Variants in GABRB2 observed in about 807,000 individuals in gnomAD.
GABRB2 encodes gamma-aminobutyric acid type A receptor subunit beta2.
A neutral mutation model predicts 54.7 loss-of-function variants in GABRB2; 16 were observed. The observed-to-expected ratio is 0.29, with a 90% CI of 0.20 to 0.44. The LOEUF (loss-of-function observed/expected upper bound fraction) is 0.44. Ranked by LOEUF, GABRB2 falls within the 20% of genes least tolerant of loss-of-function variation. The probability of loss-of-function intolerance (pLI) is 1.00; values close to 1 mark genes in which losing one functional copy is unlikely to be tolerated. For synonymous variants in GABRB2, 244 were observed against 233.8 expected (o/e 1.04, Z -0.40); for missense variants, 355 against 644.0 (o/e 0.55, Z 4.86).
chr5:161,322,295 G>A (rs564981448), intron 9 of GABRB2, among the ~76,000 whole-genome samples: 54 of 152,206 alleles, frequency 3.5e-4, no homozygotes, highest in African/African-American at 1.3e-3. Flanking sequence ...GAGAGCAATG[G>A]TGCAATCTTG....
intron 4 of GABRB2, among the ~76,000 whole-genome samples, chr5:161,438,162 G>A (rs1295071771): frequency 6.6e-6 from 1 of 152,182 alleles, no homozygotes; most frequent in Non-Finnish European, 1.5e-5. Context: ...AGGGGTGCTT[G>A]TATCACTCCA....
At chr5:161,518,941 G>T (rs1368799556) in intron 3 of GABRB2, among the ~76,000 whole-genome samples, 1 of 152,258 alleles carries the variant, frequency 6.6e-6, no homozygotes, top group African/African-American at 2.4e-5. Context: ...AATCACTGTA[G>T]ACAGCAGTAG....
chr5:161,505,220 C>T (rs1208764145), intron 3 of GABRB2, among the ~76,000 whole-genome samples: 4 of 151,878 alleles, frequency 2.6e-5, no homozygotes, highest in African/African-American at 9.7e-5. Flanking sequence ...CCTCAGCCTC[C>T]TGGGTTCAAG....
intron 5 of GABRB2, among the ~76,000 whole-genome samples, chr5:161,406,809 A>C (rs1756360377): frequency 6.6e-6 from 1 of 152,034 alleles, no homozygotes; most frequent in African/African-American, 2.4e-5. Context: ...AAATCTTAAA[A>C]GGAGATGCCT....
intron 5 of GABRB2, among the ~76,000 whole-genome samples, chr5:161,403,180 G>T (rs1401912032): frequency 1.3e-5 from 2 of 152,072 alleles, no homozygotes; most frequent in Non-Finnish European, 2.9e-5. Context: ...TTTAGATATT[G>T]GACTGAAGAG....
rs140065594 is a variant in GABRB2 at position 161,303,134 on chromosome 5, A to G, written c.1192-8706T>C. 2.6e-3 allele frequency among the ~76,000 whole-genome samples: 391 copies of G among 152,356 alleles called. 1 individual carries two copies. The Middle Eastern group carries it at 0.031, about 12-fold the overall frequency. On this transcript the variant is annotated intron_variant, in intron 9 of 9. Transcript: ENST00000393959. ...GGAGTTAGTACTACCAGCATTTTAT[A>G]ACAGCCCTTCCCATCAAAACACAGA...
intron 5 of GABRB2, among the ~76,000 whole-genome samples, chr5:161,362,881 G>A (rs1264704366): frequency 6.6e-6 from 1 of 152,168 alleles, no homozygotes; most frequent in Non-Finnish European, 1.5e-5. Context: ...GGAAACAACA[G>A]ATGCTGGAGA....
chr5:161,311,123 C>A (rs1026495141), intron 9 of GABRB2, among the ~76,000 whole-genome samples: 4 of 149,614 alleles, frequency 2.7e-5, no homozygotes, highest in African/African-American at 9.9e-5. Context: ...TGTCTAACTG[C>A]TTTCATATCT....
intron 3 of GABRB2, among the ~76,000 whole-genome samples, chr5:161,544,313 C>G (rs1251193075): frequency 1.3e-5 from 2 of 152,118 alleles, no homozygotes. Context: ...AAAATGTGGC[C>G]TATCTAGAGG....
At chr5:161,489,483 T>C (rs1460509406) in intron 3 of GABRB2, among the ~76,000 whole-genome samples, 1 of 151,418 alleles carries the variant, frequency 6.6e-6, no homozygotes, top group Non-Finnish European at 1.5e-5. Context: ...ACAAACAGAG[T>C]AGATAAATTT....
At chr5:161,326,217 C>A in intron 9 of GABRB2, 151 bp downstream of exon 9, 4 of 1,026,136 alleles carry the variant, frequency 3.9e-6, no homozygotes, top group Non-Finnish European at 5.4e-6. Context: ...CCACTAAGGT[C>A]TCCTGAAAAA....
At chr5:161,313,094 G>A (rs1757921798) in intron 9 of GABRB2, among the ~76,000 whole-genome samples, 1 of 152,178 alleles carries the variant, frequency 6.6e-6, no homozygotes, top group African/African-American at 2.4e-5. Flanking sequence ...AGGGACTGAG[G>A]AAGGATGCAG....
intron 4 of GABRB2, among the ~76,000 whole-genome samples, chr5:161,453,268 A>T (rs975374033): frequency 3.3e-5 from 5 of 152,190 alleles, no homozygotes; most frequent in Non-Finnish European, 7.3e-5. Flanking sequence ...ATTACAGGAA[A>T]TATTTAATTT....
chr5:161,449,869 T>G (rs1304753902), intron 4 of GABRB2, among the ~76,000 whole-genome samples: 1 of 152,088 alleles, frequency 6.6e-6, no homozygotes, highest in African/African-American at 2.4e-5. Context: ...AATGAAGACC[T>G]GGCTTCTTTC....
At position 161,504,584 on chromosome 5, in the gene GABRB2, C is replaced by T. The variant is rs561528926; in HGVS notation, c.237+40643G>A. Among the ~76,000 whole-genome samples the T allele has an allele frequency of 4.0e-5, 6 of 151,630 alleles. No homozygotes were observed. In the South Asian group the frequency reaches 1.2e-3, roughly 32 times the overall value. On this transcript the variant is annotated intron_variant, in intron 3 of 9. Transcript: ENST00000393959. Reference sequence around the variant, plus strand: ...GAAGGAAATTTATAGCTTTATATGCCTATATTTGAAAGGAAGAAAGCCTTA... The same window carrying T: ...GAAGGAAATTTATAGCTTTATATGCTTATATTTGAAAGGAAGAAAGCCTTA...
At chr5:161,364,295 C>T (rs1430757556) in intron 5 of GABRB2, among the ~76,000 whole-genome samples, 1 of 152,020 alleles carries the variant, frequency 6.6e-6, no homozygotes, top group Non-Finnish European at 1.5e-5. Context: ...AAAGATTTTT[C>T]CTCTAGTCTC....
chr5:161,463,017 C>G (rs927793549), intron 3 of GABRB2, among the ~76,000 whole-genome samples: 1 of 152,072 alleles, frequency 6.6e-6, no homozygotes, highest in Admixed American at 6.6e-5. Flanking sequence ...AAATAAACCA[C>G]TTCTGGGTGC....
intron 3 of GABRB2, among the ~76,000 whole-genome samples, chr5:161,536,240 C>T (rs546929470): frequency 5.3e-5 from 8 of 151,618 alleles, no homozygotes; most frequent in South Asian, 2.1e-4. Flanking sequence ...GAGCGCTGTA[C>T]GAAAGTTCAG....
chr5:161,415,524 C>G (rs17462049), intron 4 of GABRB2, among the ~76,000 whole-genome samples: 2,926 of 152,210 alleles, frequency 0.019, 40 homozygotes, highest in Middle Eastern at 0.082. Context: ...GGATTTTGTA[C>G]CAAAGCCATA....
Sources: allele counts gnomAD v4.1 joint callset (sites outside exome capture counted in the v4.1 genomes callset), GRCh38; gene constraint gnomAD v4.1.1; transcripts MANE v1.5; gene names NCBI Gene and HGNC (gene_info 2026-07-23, HGNC 2026-07-21).